LARGE1: variants seen among roughly 807,000 people sequenced by gnomAD.
The protein encoded by LARGE1 is xylosyl- and glucuronyltransferase LARGE1.
In LARGE1, 43 loss-of-function variants were observed where a neutral mutation model predicts 87.6. That is an observed-to-expected ratio of 0.49 (90% CI 0.38 to 0.63). LARGE1 has a LOEUF of 0.63. Among genes scored for constraint, LARGE1 ranks in the 30% least tolerant of loss-of-function variants. The pLI is 0.00. For missense variants in LARGE1, 802 were observed against 1,000.2 expected (o/e 0.80, Z 2.67); for synonymous variants, 434 against 394.6 (o/e 1.10, Z -1.18).
Position 33,311,619 on chromosome 22 carries a change from G to T in LARGE1, c.1451+4466C>A, listed in dbSNP as rs530383105. On this transcript the variant is annotated intron_variant, in intron 11 of 14. Transcript: ENST00000397394. Reference sequence around the variant, plus strand: ...GATGAGTCAAGTGAGGCTCAAAAAGGCTAAGTAAGTCGTTCAAACTTACAC... The same window carrying T: ...GATGAGTCAAGTGAGGCTCAAAAAGTCTAAGTAAGTCGTTCAAACTTACAC... Among the ~76,000 whole-genome samples, 22 of 152,272 alleles carry T rather than the reference G, an allele frequency of 1.4e-4. 2 individuals carry two copies. The South Asian group carries it at 2.9e-3, about 20-fold the overall frequency.
the LARGE1 span, among the ~76,000 whole-genome samples, chr22:33,130,711 T>C: frequency 6.6e-6 from 1 of 152,066 alleles, no homozygotes; most frequent in South Asian, 2.1e-4. Flanking sequence ...CCTCAACACC[T>C]TGACCCTCAG....
chr22:33,214,306 G>T, intron 11 of LARGE1, among the ~76,000 whole-genome samples: 1 of 151,110 alleles, frequency 6.6e-6, no homozygotes, highest in East Asian at 1.9e-4. Flanking sequence ...CTGTGTCCTC[G>T]TCTCTTCTTC....
At chr22:33,294,829 A>C (rs796841397) in intron 12 of LARGE1, among the ~76,000 whole-genome samples, 30 of 152,304 alleles carry the variant, frequency 2.0e-4, no homozygotes, top group African/African-American at 7.2e-4. Context: ...GAATGGAGGA[A>C]TCTATTTGTA....
chr22:33,241,387 C>G (rs1217328383), intron 11 of LARGE1, among the ~76,000 whole-genome samples: 1 of 152,106 alleles, frequency 6.6e-6, no homozygotes, highest in Non-Finnish European at 1.5e-5. Context: ...CGTTGCAGCA[C>G]CTAGCCCATG....
At chr22:33,710,426 G>T (rs2082698679) in intron 2 of LARGE1, among the ~76,000 whole-genome samples, 1 of 152,206 alleles carries the variant, frequency 6.6e-6, no homozygotes, top group African/African-American at 2.4e-5. Context: ...ACCAGCCAGG[G>T]AGCTGAACAA....
At chr22:33,510,563 A>T (rs1019367229) in intron 6 of LARGE1, among the ~76,000 whole-genome samples, 1 of 152,122 alleles carries the variant, frequency 6.6e-6, no homozygotes, top group Non-Finnish European at 1.5e-5. Flanking sequence ...AGAGGCTAAA[A>T]ACTGGTTTGG....
At chr22:33,558,849 C>T (rs112466895) in intron 6 of LARGE1, among the ~76,000 whole-genome samples, 214 of 152,340 alleles carry the variant, frequency 1.4e-3, no homozygotes, top group Non-Finnish European at 2.3e-3. Flanking sequence ...GTGGACAGAA[C>T]TGTGAGGAAA....
Position 33,661,242 on chromosome 22 carries a change from G to A in LARGE1, c.107-10574C>T, listed in dbSNP as rs368778785. Among the ~76,000 whole-genome samples, 5 of 149,744 alleles carry A rather than the reference G, an allele frequency of 3.3e-5. No homozygotes were observed. In the South Asian group the frequency reaches 8.4e-4, roughly 25 times the overall value. On this transcript the variant is annotated intron_variant, in intron 2 of 14. Coordinates refer to ENST00000397394, the MANE Select transcript of LARGE1 (RefSeq NM_133642.5). ...ATTTTTTTTTTTTTTTTGAGCCAGG[G>A]TCTCGCTCTGTTGCCCAGGCTGGAG...
In LARGE1 at chr22:33,407,748, A is replaced by C. The variant is rs181087510; in HGVS notation, c.893-23444T>G. 6.6e-4 allele frequency among the ~76,000 whole-genome samples: 101 copies of C among 152,212 alleles called. No individual in the cohort carries two copies. The Middle Eastern group carries it at 0.01, about 15-fold the overall frequency. The stretch of plus-strand genomic sequence containing the variant: ...GCTATGCTGTGGACCTCGGTCAGCA[A>C]ATTTTTTCTGAAAGGGCCAATAAGT... On this transcript the variant is annotated intron_variant, in intron 7 of 14. Transcript: ENST00000397394.
At chr22:33,808,346 A>T (rs1415062699) in intron 1 of LARGE1, among the ~76,000 whole-genome samples, 1 of 152,210 alleles carries the variant, frequency 6.6e-6, no homozygotes, top group Non-Finnish European at 1.5e-5. Context: ...TTTTTAAATT[A>T]GGCTGTTCTC....
At chr22:33,180,331 A>G (rs1923095828) in intron 11 of LARGE1, among the ~76,000 whole-genome samples, 3 of 152,244 alleles carry the variant, frequency 2.0e-5, no homozygotes, top group Admixed American at 2.0e-4. Flanking sequence ...GATGCTCAAC[A>G]TCATTAGCTA....
At chr22:33,778,719 C>T (rs1010263953) in intron 1 of LARGE1, among the ~76,000 whole-genome samples, 12 of 152,210 alleles carry the variant, frequency 7.9e-5, no homozygotes, top group Middle Eastern at 3.4e-3. Context: ...GGCGCAATCT[C>T]GGCTCACTGC....
In LARGE1 at chr22:33,515,723, G is replaced by T. The variant is rs191231662; in HGVS notation, c.787+49125C>A. ...TAATCTGCCCAAAAGGTGGTGCATG[G>T]AAAGTTCCCTGGTCAGCGCCCTGGA... On this transcript the variant is annotated intron_variant, in intron 6 of 14. Coordinates refer to ENST00000397394, the MANE Select transcript of LARGE1 (RefSeq NM_133642.5). Among the ~76,000 whole-genome samples the T allele has an allele frequency of 4.0e-4, 61 of 152,288 alleles. No individual in the cohort carries two copies. In the East Asian group the frequency reaches 0.011, roughly 28 times the overall value.
At chr22:33,631,629 G>T (rs756411777) in intron 3 of LARGE1, among the ~76,000 whole-genome samples, 11 of 152,082 alleles carry the variant, frequency 7.2e-5, no homozygotes, top group Admixed American at 1.3e-4. Flanking sequence ...CGACAGCAAG[G>T]CCTTCTGAAA....
At position 33,843,139 on chromosome 22, in the gene LARGE1, G is replaced by A. The variant is rs143552538; in HGVS notation, c.-83+76856C>T. On this transcript the variant is annotated intron_variant, in intron 1 of 14. Coordinates refer to ENST00000397394, the MANE Select transcript of LARGE1 (RefSeq NM_133642.5). ...TCTGTGAAGCTGTCCTTGATTTTCC[G>A]TTCTATCTTCCCTGCTTGTGAATGG... is the stretch of plus-strand genomic sequence containing the variant. 1.1e-4 allele frequency among the ~76,000 whole-genome samples: 16 copies of A among 152,158 alleles called. No homozygotes were observed. In the East Asian group the frequency reaches 1.9e-3, roughly 18 times the overall value.
At chr22:33,740,612 G>A (rs919867504) in intron 2 of LARGE1, among the ~76,000 whole-genome samples, 1 of 152,050 alleles carries the variant, frequency 6.6e-6, no homozygotes, top group African/African-American at 2.4e-5. Context: ...ATATGTGCTC[G>A]GTATGCAATG....
At position 33,731,481 on chromosome 22, in the gene LARGE1, A is replaced by T. The variant is rs190085896; in HGVS notation, c.106+29890T>A. 1.1e-3 allele frequency among the ~76,000 whole-genome samples: 170 copies of T among 152,312 alleles called. 1 individual carries two copies. The highest frequency in any genetic ancestry group is 2.3e-3 in the Non-Finnish European group (155 of 68,030). Reference sequence around the variant, plus strand: ...TGTATTCGTCAGAGCTGTAGCAGGAAAAAGATGCCATACTCAAACTGGGTA... The same window carrying T: ...TGTATTCGTCAGAGCTGTAGCAGGATAAAGATGCCATACTCAAACTGGGTA... On this transcript the variant is annotated intron_variant, in intron 2 of 14. Transcript: ENST00000397394.
At chr22:33,174,416 C>T (rs1922748538) in intron 11 of LARGE1, among the ~76,000 whole-genome samples, 1 of 152,112 alleles carries the variant, frequency 6.6e-6, no homozygotes, top group South Asian at 2.1e-4. Context: ...ATCCTAATAT[C>T]ACAGTTAAAA....
chr22:33,815,365 T>C (rs2086619717), intron 1 of LARGE1, among the ~76,000 whole-genome samples: 1 of 152,218 alleles, frequency 6.6e-6, no homozygotes, highest in African/African-American at 2.4e-5. Context: ...TCATTGCTCT[T>C]CATTAATTCA....
Sources: allele counts gnomAD v4.1 joint callset (sites outside exome capture counted in the v4.1 genomes callset), GRCh38; gene constraint gnomAD v4.1.1; transcripts MANE v1.5; gene names NCBI Gene and HGNC (gene_info 2026-07-23, HGNC 2026-07-21).